MYO5B: variants seen among roughly 807,000 people sequenced by gnomAD.
The protein encoded by MYO5B is myosin VB, also known as unconventional myosin-Vb.
MYO5B carries 143 observed loss-of-function variants against 229.3 expected under a neutral mutation model. The observed-to-expected ratio is 0.62, with a 90% CI of 0.54 to 0.72. The LOEUF (loss-of-function observed/expected upper bound fraction) is 0.72, where lower values mean the gene tolerates loss of function less well. MYO5B is among the 30% of genes least tolerant of loss of function. The probability of loss-of-function intolerance (pLI) is 0.00; values close to 1 mark genes in which losing one functional copy is unlikely to be tolerated. For synonymous variants in MYO5B, 918 were observed against 885.2 expected (o/e 1.04, Z -0.66); for missense variants, 2,321 against 2,331.0 (o/e 1.00, Z 0.09).
At chr18:49,945,453 CT>C (rs35737218) in intron 14 of MYO5B, among the ~76,000 whole-genome samples, 34,785 of 149,164 alleles carry the variant, frequency 0.23, 5,717 homozygotes, top group African/African-American at 0.47. Context: ...TCATGCAGTC[CT>C]TTTTTTTTTC....
chr18:49,927,140 T>G (rs143992688), intron 17 of MYO5B, among the ~76,000 whole-genome samples: 19 of 152,236 alleles, frequency 1.2e-4, no homozygotes, highest in African/African-American at 4.3e-4. Flanking sequence ...ACTGTACACT[T>G]AGAAGTGGCT....
intron 16 of MYO5B, among the ~76,000 whole-genome samples, chr18:49,935,674 A>G (rs1283410154): frequency 6.6e-6 from 1 of 152,256 alleles, no homozygotes; most frequent in Non-Finnish European, 1.5e-5. Context: ...TAAGAGTTCT[A>G]CAGATTAGGG....
chr18:50,149,929 C>T, intron 1 of MYO5B, among the ~76,000 whole-genome samples: 1 of 144,260 alleles, frequency 6.9e-6, no homozygotes, highest in African/African-American at 2.6e-5. Flanking sequence ...TCACAACCTA[C>T]TCATCTGACA....
chr18:49,992,233 A>G, intron 6 of MYO5B, 55 bp downstream of exon 6: 1 of 1,612,074 alleles, frequency 6.2e-7, no homozygotes, highest in Non-Finnish European at 8.5e-7. Flanking sequence ...AGGGAGCAGA[A>G]GTAAGGTAAT....
intron 2 of MYO5B, among the ~76,000 whole-genome samples, chr18:50,047,748 T>C (rs2030272436): frequency 6.6e-6 from 1 of 152,030 alleles, no homozygotes; most frequent in Non-Finnish European, 1.5e-5. Flanking sequence ...CACCATGGAA[T>C]ACTATGCAGC....
intron 1 of MYO5B, among the ~76,000 whole-genome samples, chr18:50,192,549 G>T (rs1239213670): frequency 6.6e-6 from 1 of 152,202 alleles, no homozygotes; most frequent in Non-Finnish European, 1.5e-5. Flanking sequence ...TCTTTAGGAA[G>T]CCAAAGCTTT....
At chr18:49,869,135 A>G (rs1009798223) in intron 27 of MYO5B, among the ~76,000 whole-genome samples, 2 of 152,148 alleles carry the variant, frequency 1.3e-5, no homozygotes, top group Admixed American at 6.5e-5. Context: ...GCTCAGGTAG[A>G]GTCTATAATT....
At chr18:49,901,139 G>T (rs1385880896) in intron 21 of MYO5B, among the ~76,000 whole-genome samples, 1 of 152,204 alleles carries the variant, frequency 6.6e-6, no homozygotes, top group East Asian at 1.9e-4. Context: ...GATCAATGCT[G>T]TTCAGCCTGT....
Position 49,843,411 on chromosome 18 carries a change from G to T in MYO5B, c.4460-19C>A, listed in dbSNP as rs763010411. On this transcript the variant is annotated intron_variant, in intron 33 of 39. Transcript: ENST00000285039. ...TTCAAGTCTAAGGGCAACGAGAGCAGCAAATGGCAAGTTAGATCTATGGGG... is the reference window on the plus strand; with the variant it reads ...TTCAAGTCTAAGGGCAACGAGAGCATCAAATGGCAAGTTAGATCTATGGGG... 6.2e-7 allele frequency: 1 copy of T among 1,614,048 alleles called. No homozygotes were observed. Among genetic ancestry groups the T allele is most frequent in the Admixed American group, 1.7e-5 (1 of 60,030 alleles).
At chr18:49,841,572 G>A in intron 34 of MYO5B, 118 bp from the exon 35 acceptor site, 8 of 905,556 alleles carry the variant, frequency 8.8e-6, no homozygotes, top group Non-Finnish European at 1.3e-5. Context: ...CAGCCCTGAG[G>A]CTGGGCAGGG....
chr18:49,908,956 T>G (rs2024929182), intron 18 of MYO5B, among the ~76,000 whole-genome samples: 1 of 152,190 alleles, frequency 6.6e-6, no homozygotes, highest in South Asian at 2.1e-4. Context: ...AACAATTTAT[T>G]AAAACCTCAC....
intron 30 of MYO5B, among the ~76,000 whole-genome samples, chr18:49,855,662 C>T (rs1290629299): frequency 2.0e-5 from 3 of 152,306 alleles, no homozygotes; most frequent in East Asian, 1.9e-4. Flanking sequence ...TATAATGCCC[C>T]GTGAGGAAGG....
intron 1 of MYO5B, among the ~76,000 whole-genome samples, chr18:50,081,261 T>C (rs2031213287): frequency 6.6e-6 from 1 of 152,204 alleles, no homozygotes; most frequent in South Asian, 2.1e-4. Context: ...GAGGATTGGC[T>C]GACCAAAGAT....
intron 16 of MYO5B, among the ~76,000 whole-genome samples, chr18:49,932,309 G>A (rs779253464): frequency 8.5e-5 from 13 of 152,162 alleles, no homozygotes; most frequent in Non-Finnish European, 1.8e-4. Flanking sequence ...TTTGAGGGCA[G>A]GGTTGGGGAC....
At chr18:50,057,883 CTACT>C (rs2030590523) in intron 1 of MYO5B, among the ~76,000 whole-genome samples, 1 of 152,146 alleles carries the variant, frequency 6.6e-6, no homozygotes, top group Admixed American at 6.5e-5. Context: ...CTCATACTAA[CTACT>C]TACTCTTCCA....
Position 49,936,289 on chromosome 18 carries a change from G to C in MYO5B, c.1966C>G (p.Arg656Gly), listed in dbSNP as rs121908105. 4.4e-6 allele frequency: 7 copies of C among 1,604,026 alleles called. No individual in the cohort carries two copies. The highest frequency in any genetic ancestry group is 4.3e-6 in the Non-Finnish European group (5 of 1,174,798). Reference sequence around the variant, plus strand: ...TTCTCATCGTTGGGCTTGATGCAGCGGACATAGTGAGGTGTCGTGGCATTC... The same window carrying C: ...TTCTCATCGTTGGGCTTGATGCAGCCGACATAGTGAGGTGTCGTGGCATTC... ...TLNATTPHYV[R>G]CIKPNDEKLP... The change falls in exon 16 of 40, where the codon CGC becomes GGC. Residue 656 changes from arginine (R) to glycine (G), a missense_variant. Physicochemically the swap from Arg to Gly is moderately radical, Grantham distance 125 (BLOSUM62 -2). This residue lies in a region of MYO5B where 2,113 missense variants were observed against 2,044.7 expected (regional missense o/e 1.03). Transcript: ENST00000285039.
chr18:50,090,192 C>T (rs1031978828), intron 1 of MYO5B, among the ~76,000 whole-genome samples: 12 of 152,050 alleles, frequency 7.9e-5, no homozygotes, highest in Non-Finnish European at 1.6e-4. Context: ...ACAAAGAACC[C>T]TGGTGTTCCT....
chr18:50,176,762 T>C (rs1418198565), intron 1 of MYO5B, among the ~76,000 whole-genome samples: 1 of 152,264 alleles, frequency 6.6e-6, no homozygotes, highest in African/African-American at 2.4e-5. Context: ...GCAATCTTAC[T>C]GTAGTACATA....
Position 50,129,356 on chromosome 18 carries a change from T to C in MYO5B, c.27+65411A>G, listed in dbSNP as rs181185458. Among the ~76,000 whole-genome samples, 48 of 152,350 alleles carry C rather than the reference T, an allele frequency of 3.2e-4. No individual in the cohort carries two copies. The East Asian group carries it at 7.5e-3, about 24-fold the overall frequency. On this transcript the variant is annotated intron_variant, in intron 1 of 39. Coordinates refer to ENST00000285039, the MANE Select transcript of MYO5B (RefSeq NM_001080467.3). ...CTTCAACAGACAAGCTTCTGCCCTA[T>C]ATTAATTGTCATGCCACCAATGTAA...
Sources: gnomAD v4.1 joint callset for allele counts (sites outside exome capture counted in the v4.1 genomes callset) on GRCh38, gnomAD v4.1.1 for gene constraint, gnomAD v4.1.1 regional missense constraint, MANE v1.5 for transcripts, NCBI Gene and HGNC (gene_info 2026-07-23, HGNC 2026-07-21) for gene names.